Variants in SDK1 observed in about 807,000 individuals in gnomAD.
SDK1 encodes sidekick cell adhesion molecule 1.
In SDK1, 157 loss-of-function variants were observed where a neutral mutation model predicts 245.5. That is an observed-to-expected ratio of 0.64 (90% CI 0.56 to 0.73). SDK1 has a LOEUF of 0.73. Among genes scored for constraint, SDK1 ranks in the 30% least tolerant of loss-of-function variants. The pLI, the probability that SDK1 is intolerant of heterozygous loss-of-function variation, is 0.00. For missense variants in SDK1, 3,583 were observed against 3,002.3 expected (o/e 1.19, Z -4.52); for synonymous variants, 1,647 against 1,278.5 (o/e 1.29, Z -6.15).
chr7:3,742,373 C>T (rs966642053), intron 4 of SDK1, among the ~76,000 whole-genome samples: 11 of 152,064 alleles, frequency 7.2e-5, no homozygotes, highest in Non-Finnish European at 1.2e-4. Flanking sequence ...TCCTTGTGAA[C>T]GTGTTCCTCC....
At chr7:3,966,799 C>T (rs1007374151) in intron 9 of SDK1, among the ~76,000 whole-genome samples, 5 of 152,034 alleles carry the variant, frequency 3.3e-5, no homozygotes, top group Admixed American at 6.5e-5. Flanking sequence ...GATCCTCCTG[C>T]CTCCACCTCC....
rs752731597 is a variant in SDK1, at chr7:4,265,394, C to A, written c.*10C>A. 33 of 1,423,450 alleles carry A rather than the reference C, an allele frequency of 2.3e-5. No homozygotes were observed. The highest frequency in any genetic ancestry group is 2.5e-5 in the Non-Finnish European group (27 of 1,099,154). The allele number at this position is 1,423,450 out of a possible 1,614,324, so 88.2% of individuals were successfully genotyped here. On this transcript the variant is annotated 3_prime_UTR_variant, in exon 45 of 45. Coordinates refer to ENST00000404826, the MANE Select transcript of SDK1 (RefSeq NM_152744.4). ...CTCCTCCTTCGTGTGAGCAAAGCGC[C>A]GCGCCTCCCTCAGGGCGGAACGGAG...
intron 4 of SDK1, among the ~76,000 whole-genome samples, chr7:3,784,652 A>G (rs1267334971): frequency 6.6e-6 from 1 of 152,222 alleles, no homozygotes; most frequent in South Asian, 2.1e-4. Flanking sequence ...AATTGAAATC[A>G]CAATGAGAAA....
intron 13 of SDK1, among the ~76,000 whole-genome samples, chr7:3,975,197 A>G (rs1251217308): frequency 6.6e-6 from 1 of 152,190 alleles, no homozygotes; most frequent in Non-Finnish European, 1.5e-5. Context: ...ACCTGCTGAC[A>G]CATTTTATTT....
chr7:4,019,314 A>G (rs1272932307), intron 17 of SDK1, among the ~76,000 whole-genome samples: 1 of 152,224 alleles, frequency 6.6e-6, no homozygotes, highest in Non-Finnish European at 1.5e-5. Context: ...CAGCACTGAC[A>G]TCCAGGCTTC....
intron 1 of SDK1, among the ~76,000 whole-genome samples, chr7:3,398,771 T>TTG (rs1014760388): frequency 4.0e-5 from 6 of 148,914 alleles, no homozygotes; most frequent in African/African-American, 1.2e-4. Flanking sequence ...CCCAGTAGTT[T>TTG]TTTTTTTTTT....
chr7:3,968,388 G>A (rs1439516614), intron 10 of SDK1, among the ~76,000 whole-genome samples: 1 of 152,126 alleles, frequency 6.6e-6, no homozygotes, highest in Non-Finnish European at 1.5e-5. Flanking sequence ...TACTTGCTGG[G>A]CTGTATCGGG....
At chr7:4,260,940 A>G (rs564808329) in intron 44 of SDK1, among the ~76,000 whole-genome samples, 10 of 152,308 alleles carry the variant, frequency 6.6e-5, no homozygotes, top group African/African-American at 2.2e-4. Flanking sequence ...ATTCTCCTAA[A>G]TGCAGAGGAG....
At chr7:3,430,797 G>A (rs976502274) in intron 1 of SDK1, among the ~76,000 whole-genome samples, 7 of 152,238 alleles carry the variant, frequency 4.6e-5, no homozygotes, top group Admixed American at 4.6e-4. Context: ...TAGGGCCCAT[G>A]CCTCCGGTGG....
At chr7:3,822,288 T>C (rs1779665072) in intron 5 of SDK1, among the ~76,000 whole-genome samples, 1 of 152,212 alleles carries the variant, frequency 6.6e-6, no homozygotes, top group Non-Finnish European at 1.5e-5. Flanking sequence ...AGCATGAAGC[T>C]TCATGGTATG....
intron 2 of SDK1, among the ~76,000 whole-genome samples, chr7:3,620,613 C>G (rs530002082): frequency 6.6e-6 from 1 of 151,994 alleles, no homozygotes; most frequent in Non-Finnish European, 1.5e-5. Flanking sequence ...TTATTAGCTG[C>G]CAACATTTGA....
At chr7:3,703,082 T>G (rs113490176) in intron 4 of SDK1, among the ~76,000 whole-genome samples, 1 of 134,628 alleles carries the variant, frequency 7.4e-6, no homozygotes, top group Non-Finnish European at 1.6e-5. Flanking sequence ...AAAAAAAAAA[T>G]GTATGCCGAC....
At chr7:3,460,542 G>A (rs933602696) in intron 1 of SDK1, among the ~76,000 whole-genome samples, 8 of 152,184 alleles carry the variant, frequency 5.3e-5, no homozygotes, top group African/African-American at 1.9e-4. Flanking sequence ...ATATGTCAGT[G>A]TGTCATAATA....
At chr7:3,803,220 G>A (rs2115037547) in intron 4 of SDK1, among the ~76,000 whole-genome samples, 1 of 151,710 alleles carries the variant, frequency 6.6e-6, no homozygotes, top group East Asian at 1.9e-4. Flanking sequence ...CACTTTTTAT[G>A]TGCTTATTTG....
chr7:3,663,293 T>C, intron 4 of SDK1, among the ~76,000 whole-genome samples: 1 of 152,220 alleles, frequency 6.6e-6, no homozygotes, highest in Non-Finnish European at 1.5e-5. Flanking sequence ...ATCCATGTTT[T>C]TGTTTTCAAG....
chr7:3,349,626 G>T (rs1378868621), intron 1 of SDK1, among the ~76,000 whole-genome samples: 3 of 152,110 alleles, frequency 2.0e-5, no homozygotes. Context: ...TTGAGACGTA[G>T]TCTGGCTCGG....
chr7:3,453,213 T>C (rs945233550), intron 1 of SDK1, among the ~76,000 whole-genome samples: 2 of 152,214 alleles, frequency 1.3e-5, no homozygotes, highest in African/African-American at 4.8e-5. Flanking sequence ...TGCCTTGCAC[T>C]GTGGGAGTTT....
At chr7:4,182,012 C>T (rs896442998) in intron 35 of SDK1, among the ~76,000 whole-genome samples, 6 of 152,148 alleles carry the variant, frequency 3.9e-5, no homozygotes, top group African/African-American at 1.4e-4. Context: ...CTCCATCTCC[C>T]AGGTTCAAGC....
At chr7:3,602,461 G>C (rs1299730609) in intron 1 of SDK1, among the ~76,000 whole-genome samples, 2 of 152,152 alleles carry the variant, frequency 1.3e-5, no homozygotes, top group African/African-American at 4.8e-5. Flanking sequence ...TCTTTTGGCT[G>C]CATAAATGTC....
Sources: gnomAD v4.1 joint callset for allele counts (sites outside exome capture counted in the v4.1 genomes callset) on GRCh38, gnomAD v4.1.1 for gene constraint, MANE v1.5 for transcripts, NCBI Gene and HGNC (gene_info 2026-07-23, HGNC 2026-07-21) for gene names.